The following TSNARE1 variants were observed in gnomAD, a reference collection of about 807,000 sequenced individuals.
TSNARE1 encodes the protein t-SNARE domain containing 1, also known as t-SNARE domain-containing protein 1.
In TSNARE1, 49 loss-of-function variants were observed where a neutral mutation model predicts 62.0. That is an observed-to-expected ratio of 0.79 (90% confidence interval 0.63 to 1.00). The LOEUF is 1.00. Among genes scored for constraint, TSNARE1 ranks in the 50% least tolerant of loss-of-function variants. TSNARE1 has a pLI of 0.00. For synonymous variants in TSNARE1, 328 were observed against 294.4 expected (o/e 1.11, Z -1.17); for missense variants, 755 against 700.1 (o/e 1.08, Z -0.88).
intron 10 of TSNARE1, among the ~76,000 whole-genome samples, chr8:142,285,245 T>C (rs1191150518): frequency 1.5e-5 from 2 of 137,102 alleles, no homozygotes; most frequent in African/African-American, 2.8e-5. Context: ...GATGGGTAGA[T>C]GGATGGATGC....
chr8:142,266,050 G>A (rs1317212355), intron 12 of TSNARE1, among the ~76,000 whole-genome samples: 1 of 152,210 alleles, frequency 6.6e-6, no homozygotes, highest in Non-Finnish European at 1.5e-5. Context: ...TTGCAGAACA[G>A]AAGTTTCCAA....
chr8:142,291,769 C>A lies in TSNARE1; in HGVS notation c.1291-7284G>T, dbSNP rs1391029819. On this transcript the variant is annotated intron_variant, in intron 10 of 13. Transcript: ENST00000524325. The surrounding 1 kb of genome is among the most constrained non-coding windows in gnomAD (Gnocchi z 4.8). ...AGGACACCCCTGGAGTCAGGGCCTG[C>A]CAGTGAAAGGGAGCCAGCGGCTCAG... Among the ~76,000 whole-genome samples, 1 of 152,080 alleles carries A rather than the reference C, an allele frequency of 6.6e-6. No homozygotes were observed. Among genetic ancestry groups the A allele is most frequent in the Non-Finnish European group, 1.5e-5 (1 of 68,008 alleles).
At chr8:142,311,290 GTTTTT>G (rs58755110) in intron 9 of TSNARE1, among the ~76,000 whole-genome samples, 19 of 57,350 alleles carry the variant, frequency 3.3e-4, no homozygotes, top group African/African-American at 2.8e-4. Context: ...AGCCTCTCTA[GTTTTT>G]TTTTTTTTTT....
At chr8:142,254,673 A>T (rs1254763642) in intron 12 of TSNARE1, among the ~76,000 whole-genome samples, 1 of 152,164 alleles carries the variant, frequency 6.6e-6, no homozygotes, top group East Asian at 1.9e-4. Context: ...AAGGCGGGGC[A>T]TCAGAGAGGC....
intron 6 of TSNARE1, among the ~76,000 whole-genome samples, chr8:142,328,976 T>C (rs1318723647): frequency 6.6e-6 from 1 of 152,224 alleles, no homozygotes; most frequent in Non-Finnish European, 1.5e-5. Context: ...GGGTCCCTCC[T>C]ACACTGCAGG....
chr8:142,334,481 CAG>C (rs1185925394), intron 4 of TSNARE1, among the ~76,000 whole-genome samples: 1 of 148,870 alleles, frequency 6.7e-6, no homozygotes, highest in Non-Finnish European at 1.5e-5. Flanking sequence ...GTGGCACACA[CAG>C]GGTGGGGGGG....
chr8:142,223,129 T>TTCACTCACTCATTCAC (rs147521506), intron 13 of TSNARE1, among the ~76,000 whole-genome samples: 1 of 63,514 alleles, frequency 1.6e-5, no homozygotes, highest in Admixed American at 1.6e-4. Flanking sequence ...CATTCACTCA[T>TTCACTCACTCATTCAC]TCACTCATTC....
intron 6 of TSNARE1, 52 bp downstream of exon 6, chr8:142,330,846 GCCC>G (rs796377522): frequency 1.3e-6 from 2 of 1,578,146 alleles, no homozygotes; most frequent in Admixed American, 1.7e-5. Context: ...TCCCGCCCCT[GCCC>G]CCCAATGTGC....
intron 12 of TSNARE1, among the ~76,000 whole-genome samples, chr8:142,261,033 A>G (rs1563786775): frequency 1.1e-5 from 1 of 92,902 alleles, no homozygotes; most frequent in African/African-American, 4.2e-5. Flanking sequence ...GGGAGGAGAG[A>G]AAGAGGAGGG....
At chr8:142,286,023 G>C (rs762480084) in intron 10 of TSNARE1, among the ~76,000 whole-genome samples, 6 of 152,188 alleles carry the variant, frequency 3.9e-5, no homozygotes, top group Non-Finnish European at 8.8e-5. Context: ...AAGGGGAAGA[G>C]TTGGGATTCA....
intron 1 of TSNARE1, among the ~76,000 whole-genome samples, chr8:142,373,240 C>A (rs982091029): frequency 2.0e-5 from 3 of 152,232 alleles, no homozygotes; most frequent in Non-Finnish European, 4.4e-5. Flanking sequence ...ACCATCTGGT[C>A]TGTGAAGGTA....
At chr8:142,222,684 C>T (rs111215983) in intron 13 of TSNARE1, among the ~76,000 whole-genome samples, 48,134 of 87,344 alleles carry the variant, frequency 0.55, 14,686 homozygotes, top group East Asian at 0.72. Flanking sequence ...ATCCACTCAT[C>T]CACTCACTCA....
intron 9 of TSNARE1, among the ~76,000 whole-genome samples, chr8:142,312,445 A>G (rs1025268965): frequency 2.0e-5 from 3 of 152,160 alleles, no homozygotes; most frequent in African/African-American, 7.2e-5. Flanking sequence ...GACAACATAG[A>G]CATGATTCCA....
chr8:142,245,304 C>A (rs1817842473), intron 12 of TSNARE1, among the ~76,000 whole-genome samples: 1 of 152,152 alleles, frequency 6.6e-6, no homozygotes, highest in Non-Finnish European at 1.5e-5. Flanking sequence ...GTCCCTGAGA[C>A]CCAGGGATCA....
intron 2 of TSNARE1, among the ~76,000 whole-genome samples, chr8:142,349,661 A>G (rs1833836641): frequency 1.3e-5 from 2 of 152,194 alleles, no homozygotes; most frequent in Non-Finnish European, 2.9e-5. Flanking sequence ...GAATATCAGG[A>G]ATGAGAAAGG....
At chr8:142,304,089 C>T (rs902393579) in intron 9 of TSNARE1, among the ~76,000 whole-genome samples, 5 of 152,308 alleles carry the variant, frequency 3.3e-5, no homozygotes, top group South Asian at 4.2e-4. Context: ...CTAGCAGAAG[C>T]CTTTAAATAA....
chr8:142,227,098 T>C (rs1365655408), intron 13 of TSNARE1, among the ~76,000 whole-genome samples: 1 of 137,762 alleles, frequency 7.3e-6, no homozygotes, highest in African/African-American at 2.9e-5. Flanking sequence ...GGAACCCCAC[T>C]GCACCCACAC....
intron 1 of TSNARE1, among the ~76,000 whole-genome samples, chr8:142,360,957 G>A (rs1450135548): frequency 6.6e-6 from 1 of 152,194 alleles, no homozygotes; most frequent in African/African-American, 2.4e-5. Context: ...CACACAGGCA[G>A]AGGACACCCA....
intron 4 of TSNARE1, among the ~76,000 whole-genome samples, chr8:142,333,275 G>T (rs548020521): frequency 6.6e-6 from 1 of 152,170 alleles, no homozygotes; most frequent in Admixed American, 6.5e-5. Flanking sequence ...AAGCACGGGG[G>T]GCCGAGCTCG....
Sources: allele counts gnomAD v4.1 joint callset (sites outside exome capture counted in the v4.1 genomes callset), GRCh38; gene constraint gnomAD v4.1.1; non-coding constraint Gnocchi (gnomAD v3.1); transcripts MANE v1.5; gene names NCBI Gene and HGNC (gene_info 2026-07-23, HGNC 2026-07-21).